The following SRCIN1 variants were observed in gnomAD, a reference collection of about 807,000 sequenced individuals.
The protein encoded by SRCIN1 is P130Cas-associated protein.
Under a neutral mutation model 116.2 loss-of-function variants are expected in SRCIN1, and 50 were observed. The observed-to-expected ratio is 0.43, with a 90% CI of 0.34 to 0.54. SRCIN1 has a LOEUF of 0.54. Ranked by LOEUF, SRCIN1 falls within the 20% of genes least tolerant of loss-of-function variation. The probability of loss-of-function intolerance (pLI) is 0.02; values close to 1 mark genes in which losing one functional copy is unlikely to be tolerated. For missense variants in SRCIN1, 1,446 were observed against 1,672.0 expected, an observed-to-expected ratio of 0.86 and a Z score of 2.36; for synonymous variants, 736 against 750.0, an observed-to-expected ratio of 0.98 and a Z score of 0.30.
chr17:38,562,354 C>A lies in SRCIN1; in HGVS notation c.835-26G>T. ...CTGCGCAGAAGACAGCCCGGAACCC[C>A]ACGGGGCTGGTCACCAAGGACACCC... On this transcript the variant is annotated intron_variant, in intron 6 of 18. Coordinates refer to ENST00000617146, the MANE Select transcript of SRCIN1 (RefSeq NM_025248.3). This position sits in a 1 kb window ranked among gnomAD's most constrained non-coding sequence, Gnocchi z 4.2. 7.0e-7 allele frequency: 1 copy of A among 1,421,244 alleles called. No individual in the cohort carries two copies. The highest frequency in any genetic ancestry group is 3.0e-5 in the East Asian group (1 of 33,258). 88.0% of individuals were successfully genotyped at this position (1,421,244 alleles called of 1,614,324 possible).
In SRCIN1 at chr17:38,562,222, G is replaced by A; in HGVS notation, c.941C>T (p.Ser314Leu). The change falls in exon 7 of 19, where the codon TCG becomes TTG. Residue 314 changes from serine to leucine, a missense_variant. Ser to Leu is a moderately radical substitution (Grantham distance 145). Coordinates refer to ENST00000617146, the MANE Select transcript of SRCIN1 (RefSeq NM_025248.3). The surrounding 1 kb of genome is among the most constrained non-coding windows in gnomAD (Gnocchi z 4.2). Reference sequence around the variant, plus strand: ...GGACTGCAGCCCGGACGGCAGCCCCGACGGCAGCCCGGGCGGCGGCGAGCC... The same window carrying A: ...GGACTGCAGCCCGGACGGCAGCCCCAACGGCAGCCCGGGCGGCGGCGAGCC... ...ASGSPPPGLP[S>L]GLPSGLQSGS... is the part of the protein sequence containing the mutation. The A allele has an allele frequency of 2.1e-6, 3 of 1,442,142 alleles. No homozygotes were observed. Among genetic ancestry groups the A allele is most frequent in the South Asian group, 1.4e-5 (1 of 71,418 alleles). 89.3% of individuals were successfully genotyped at this position (1,442,142 alleles called of 1,614,324 possible). A position where few individuals can be genotyped will look rare whatever the true frequency, so the allele number is the denominator to read the frequency against.
intron 2 of SRCIN1, among the ~76,000 whole-genome samples, chr17:38,575,142 C>T (rs971083417): frequency 1.3e-5 from 2 of 152,260 alleles, no homozygotes; most frequent in African/African-American, 4.8e-5. Context: ...GGGTATCTCT[C>T]TAACTAGAGC....
At chr17:38,551,134 C>T (rs749511529) in intron 15 of SRCIN1, 21 bp downstream of exon 15, 2 of 1,189,382 alleles carry the variant, frequency 1.7e-6, no homozygotes, top group South Asian at 2.9e-5. Flanking sequence ...GGCTCCTTAC[C>T]AGCCCTACTA....
chr17:38,552,738 C>T lies in SRCIN1; in HGVS notation c.2319G>A (p.Leu773=), dbSNP rs1223833189. The change falls in exon 12 of 19, where the codon CTG becomes CTA. Residue 773 remains leucine, a synonymous_variant. Coordinates refer to ENST00000617146, the MANE Select transcript of SRCIN1 (RefSeq NM_025248.3). The surrounding 1 kb of genome is among the most constrained non-coding windows in gnomAD (Gnocchi z 5.3). ...ALVLKQLGET[L]TELKAHFPGL... ...CCCCAGACCCACCCTTGAGCTCTGT[C>T]AGCGTCTCCCCGAGCTGCTTCAGCA... 1.4e-5 allele frequency: 23 copies of T among 1,613,914 alleles called. No individual in the cohort carries two copies. The highest frequency in any genetic ancestry group is 1.9e-5 in the Non-Finnish European group (23 of 1,179,858).
intron 1 of SRCIN1, among the ~76,000 whole-genome samples, chr17:38,595,824 G>C (rs1324762643): frequency 6.6e-6 from 1 of 152,214 alleles, no homozygotes; most frequent in Non-Finnish European, 1.5e-5. Context: ...ACGCGTGCTT[G>C]TACACGCACA....
intron 1 of SRCIN1, among the ~76,000 whole-genome samples, chr17:38,587,453 C>G (rs554873580): frequency 6.6e-6 from 1 of 152,228 alleles, no homozygotes; most frequent in East Asian, 1.9e-4. Flanking sequence ...CGTCCTGTGT[C>G]GGGAAACCAC....
At chr17:38,548,319 G>C (rs1312793817) in intron 17 of SRCIN1, among the ~76,000 whole-genome samples, 2 of 152,156 alleles carry the variant, frequency 1.3e-5, no homozygotes, top group Admixed American at 6.5e-5. Context: ...TACTTGGGGG[G>C]ACTCAGAGAC....
intron 11 of SRCIN1, among the ~76,000 whole-genome samples, chr17:38,555,451 C>T (rs938518142): frequency 6.6e-6 from 1 of 152,174 alleles, no homozygotes; most frequent in African/African-American, 2.4e-5. Flanking sequence ...AAGAGCCACC[C>T]GCCTAACCCA....
At position 38,572,688 on chromosome 17, in the gene SRCIN1, G is replaced by C. The variant is rs908491079; in HGVS notation, c.325-4457C>G. 6.6e-6 allele frequency: 1 copy of C among 151,948 alleles called. No homozygotes were observed. Among genetic ancestry groups the C allele is most frequent in the African/African-American group, 2.4e-5 (1 of 41,362 alleles). The allele number at this position is 151,948 out of a possible 1,614,324, so 9.4% of individuals were successfully genotyped here. ...CTTACCTGCGGCCACAGGTGTACGTGCGGGGTCCCCAGCCCCAGGTCCTGC... is the reference window on the plus strand; with the variant it reads ...CTTACCTGCGGCCACAGGTGTACGTCCGGGGTCCCCAGCCCCAGGTCCTGC... On this transcript the variant is annotated intron_variant, in intron 2 of 18. Transcript: ENST00000617146. This position sits in a 1 kb window ranked among gnomAD's most constrained non-coding sequence, Gnocchi z 4.3.
At chr17:38,534,178 G>A (rs991048526) in intron 18 of SRCIN1, among the ~76,000 whole-genome samples, 2 of 152,172 alleles carry the variant, frequency 1.3e-5, no homozygotes, top group East Asian at 1.9e-4. Context: ...CACCTTCGGT[G>A]GACTCCCGCA....
In SRCIN1 at chr17:38,552,193, A is replaced by C; in HGVS notation, c.2481-61T>G. On this transcript the variant is annotated intron_variant, in intron 13 of 18. Transcript: ENST00000617146. This position sits in a 1 kb window ranked among gnomAD's most constrained non-coding sequence, Gnocchi z 5.3. ...AGCAGGTGGTGACCCTTCTGCAGGAAGGCTGCTCTGAGGGAGGTGGGGTGG... is the reference window on the plus strand; with the variant it reads ...AGCAGGTGGTGACCCTTCTGCAGGACGGCTGCTCTGAGGGAGGTGGGGTGG... 6.4e-7 allele frequency: 1 copy of C among 1,556,690 alleles called. No individual in the cohort carries two copies. Among genetic ancestry groups the C allele is most frequent in the African/African-American group, 1.4e-5 (1 of 73,704 alleles).
chr17:38,551,946 G>A lies in SRCIN1; in HGVS notation c.2667C>T (p.Asn889=). 6.2e-7 allele frequency: 1 copy of A among 1,614,042 alleles called. No homozygotes were observed. The highest frequency in any genetic ancestry group is 8.5e-7 in the Non-Finnish European group (1 of 1,179,904). ...EGASLTPKGG[N]PTKGLDTPGK... ...CAGGAGTGTCCAGGCCTTTGGTGGG[G>A]TTGCCCCCCTTGGGGGTAAGAGAGG... The change falls in exon 14 of 19, where the codon AAC becomes AAT. Residue 889 remains asparagine (N), a synonymous_variant. Transcript: ENST00000617146.
In SRCIN1 at chr17:38,543,905, G is replaced by A. The variant is rs1307991394; in HGVS notation, c.3335C>T (p.Ala1112Val). The change falls in exon 18 of 19, where the codon GCC (alanine) becomes GTC (valine). Residue 1112 changes from alanine to valine, a missense_variant. Around this residue, in one of 5 missense-constraint regions of SRCIN1, gnomAD observed 531 missense variants for 633.9 expected, o/e 0.84. Transcript: ENST00000617146. Reference protein sequence around the residue: ...VTPGASRLKAAQGQAGSPDKS... With the variant: ...VTPGASRLKAVQGQAGSPDKS... ...GTCGGGGCTGCCCGCCTGGCCCTGG[G>A]CCGCCTTCAGCCGAGAGGCCCCCGG... 6.2e-7 allele frequency: 1 copy of A among 1,604,394 alleles called. No homozygotes were observed. The highest frequency in any genetic ancestry group is 8.5e-7 in the Non-Finnish European group (1 of 1,179,110).
At chr17:38,591,574 GC>G (rs1396787434) in intron 1 of SRCIN1, among the ~76,000 whole-genome samples, 7 of 152,144 alleles carry the variant, frequency 4.6e-5, no homozygotes, top group Admixed American at 1.3e-4. Context: ...TGCCCACACA[GC>G]ACATGTGCCA....
chr17:38,536,412 G>A (rs1435237105), intron 18 of SRCIN1, among the ~76,000 whole-genome samples: 1 of 152,242 alleles, frequency 6.6e-6, no homozygotes, highest in African/African-American at 2.4e-5. Context: ...TTCGTGGCAA[G>A]GCAGAAACCT....
chr17:38,551,004 C>G (rs962783590), intron 15 of SRCIN1, 151 bp downstream of exon 15: 2 of 538,678 alleles, frequency 3.7e-6, no homozygotes, highest in African/African-American at 3.8e-5. Context: ...CCCAGTCTCC[C>G]TTTAGTGGCA....
At chr17:38,535,194 G>A (rs2040982705) in intron 18 of SRCIN1, among the ~76,000 whole-genome samples, 1 of 146,544 alleles carries the variant, frequency 6.8e-6, no homozygotes, top group Non-Finnish European at 1.5e-5. Flanking sequence ...CCCCATTTGG[G>A]TTTTCTTTTT....
At chr17:38,547,844 G>A (rs567424673) in intron 17 of SRCIN1, 68 of 210,810 alleles carry the variant, frequency 3.2e-4, no homozygotes, top group Non-Finnish European at 5.2e-4. Flanking sequence ...GCGGCGGGGC[G>A]TGGGGGGGAG....
In SRCIN1 at chr17:38,604,623, G is replaced by A. The variant is rs902779636; in HGVS notation, c.22+1061C>T. 2.3e-6 allele frequency: 1 copy of A among 431,332 alleles called. No homozygotes were observed. The highest frequency in any genetic ancestry group is 4.6e-6 in the Non-Finnish European group (1 of 215,550). 26.7% of individuals were successfully genotyped at this position (431,332 alleles called of 1,614,324 possible). A position where few individuals can be genotyped will look rare whatever the true frequency, so the allele number is the denominator to read the frequency against. On this transcript the variant is annotated intron_variant, in intron 1 of 18. Transcript: ENST00000617146. The surrounding 1 kb of genome is among the most constrained non-coding windows in gnomAD (Gnocchi z 4.3). ...TGCATGGGGACGCGTGGGGCTGGGG[G>A]ACGAGCACCAGCAGCCGCACACGCC...
Sources: gnomAD v4.1 joint callset for allele counts (sites outside exome capture counted in the v4.1 genomes callset) on GRCh38, gnomAD v4.1.1 for gene constraint, gnomAD v4.1.1 regional missense constraint, Gnocchi (gnomAD v3.1) non-coding constraint, MANE v1.5 for transcripts, NCBI Gene and HGNC (gene_info 2026-07-23, HGNC 2026-07-21) for gene names.